PPARGC1A: variants seen among roughly 807,000 people sequenced by gnomAD.
The protein encoded by PPARGC1A is PPARG coactivator 1 alpha.
Under a neutral mutation model 88.7 loss-of-function variants are expected in PPARGC1A, and 25 were observed. The ratio of observed to expected loss-of-function variants is 0.28; its 90% CI spans 0.21 to 0.39. PPARGC1A has a LOEUF of 0.39. Ranked by LOEUF, PPARGC1A falls within the 10% of genes least tolerant of loss-of-function variation. The pLI is 1.00. For synonymous variants in PPARGC1A, 363 were observed against 355.6 expected (o/e 1.02, Z -0.24); for missense variants, 880 against 968.7 (o/e 0.91, Z 1.22).
At chr4:23,869,626 G>A (rs945551292) in intron 2 of PPARGC1A, among the ~76,000 whole-genome samples, 2 of 132,078 alleles carry the variant, frequency 1.5e-5, no homozygotes, top group African/African-American at 2.8e-5. Flanking sequence ...AAAGCTCTAA[G>A]GTTGTTCATT....
chr4:23,897,542 A>G (rs1192023178), intron 1 of PPARGC1A, among the ~76,000 whole-genome samples: 1 of 152,228 alleles, frequency 6.6e-6, no homozygotes, highest in Non-Finnish European at 1.5e-5. Context: ...CTGTCTTGAC[A>G]GAGACAGACA....
chr4:24,059,173 T>C, the PPARGC1A span, among the ~76,000 whole-genome samples: 4 of 152,218 alleles, frequency 2.6e-5, no homozygotes, highest in Non-Finnish European at 1.5e-5. Context: ...GCAAAAACTC[T>C]GAATATCATT....
chr4:23,859,184 AT>A (rs1181105180), intron 2 of PPARGC1A, among the ~76,000 whole-genome samples: 5 of 152,178 alleles, frequency 3.3e-5, no homozygotes, highest in African/African-American at 9.7e-5. Flanking sequence ...TTCAAAAACT[AT>A]TCTTTAGGTT....
At chr4:24,331,841 T>C in the PPARGC1A span, among the ~76,000 whole-genome samples, 61 of 151,986 alleles carry the variant, frequency 4.0e-4, no homozygotes, top group East Asian at 8.7e-3. Flanking sequence ...TAAGTATACA[T>C]GGGCCATGGT....
At chr4:24,140,234 G>T in the PPARGC1A span, among the ~76,000 whole-genome samples, 87 of 152,334 alleles carry the variant, frequency 5.7e-4, 1 homozygote, top group African/African-American at 1.9e-3. Context: ...GGAGGGCCAG[G>T]ACTGGAAATA....
chr4:24,277,354 GCTTA>G, the PPARGC1A span, among the ~76,000 whole-genome samples: 1 of 152,082 alleles, frequency 6.6e-6, no homozygotes, highest in African/African-American at 2.4e-5. Context: ...CCTTCTGGTG[GCTTA>G]CTTTCTCCAA....
At chr4:24,194,885 T>C in the PPARGC1A span, among the ~76,000 whole-genome samples, 3 of 152,164 alleles carry the variant, frequency 2.0e-5, no homozygotes, top group Non-Finnish European at 4.4e-5. Context: ...CAGCATACTT[T>C]CTCCTCTGGA....
At chr4:23,888,317 T>C (rs1475001167) in intron 1 of PPARGC1A, among the ~76,000 whole-genome samples, 1 of 152,252 alleles carries the variant, frequency 6.6e-6, no homozygotes. Flanking sequence ...ATGCTTCTGA[T>C]GTTTATTTGA....
chr4:24,051,004 G>T, the PPARGC1A span, among the ~76,000 whole-genome samples: 2 of 151,844 alleles, frequency 1.3e-5, no homozygotes, highest in Non-Finnish European at 2.9e-5. Flanking sequence ...TGGCTAACAT[G>T]GTGAAACCCC....
At chr4:24,469,768 G>A in the PPARGC1A span, among the ~76,000 whole-genome samples, 3 of 152,124 alleles carry the variant, frequency 2.0e-5, no homozygotes, top group African/African-American at 7.2e-5. Flanking sequence ...TTTACCTGAA[G>A]AAGCCGGTAG....
chr4:24,442,429 G>A, the PPARGC1A span, among the ~76,000 whole-genome samples: 5 of 152,130 alleles, frequency 3.3e-5, no homozygotes, highest in African/African-American at 4.8e-5. Flanking sequence ...GTTTTAATTC[G>A]TAATCTTACA....
chr4:23,906,662 G>C (rs1455065384), upstream of PPARGC1A, among the ~76,000 whole-genome samples: 1 of 150,334 alleles, frequency 6.7e-6, no homozygotes, highest in Non-Finnish European at 1.5e-5. Context: ...GTGTTTCCAT[G>C]AAGTACATAC....
the PPARGC1A span, among the ~76,000 whole-genome samples, chr4:24,009,150 A>AAAAAAAAAAG: frequency 7.8e-3 from 623 of 79,784 alleles, 21 homozygotes; most frequent in African/African-American, 0.032. Flanking sequence ...AAAAAAAAAA[A>AAAAAAAAAAG]AGAGAGAGAA....
chr4:23,795,294 TATA>T lies in PPARGC1A; in HGVS notation c.*525_*527del, dbSNP rs1717326528. ...TTAGTTTTCTTTCCTTTTTAATTTATATATATATATATATATATATATATATAT... is the reference window on the plus strand; with the variant it reads ...TTAGTTTTCTTTCCTTTTTAATTTATTATATATATATATATATATATATAT... On this transcript the variant is annotated 3_prime_UTR_variant, in exon 13 of 13. Coordinates refer to ENST00000264867, the MANE Select transcript of PPARGC1A (RefSeq NM_013261.5). 5.5e-4 allele frequency: 1 copy of T among 1,824 alleles called. No individual in the cohort carries two copies. The highest frequency in any genetic ancestry group is 2.1e-3 in the Non-Finnish European group (1 of 482). 0.1% of individuals were successfully genotyped at this position (1,824 alleles called of 1,614,324 possible).
At chr4:24,258,899 T>G in the PPARGC1A span, among the ~76,000 whole-genome samples, 1 of 152,238 alleles carries the variant, frequency 6.6e-6, no homozygotes, top group Non-Finnish European at 1.5e-5. Flanking sequence ...GAGTTCTTAC[T>G]ATGTGTAAGT....
chr4:23,941,455 G>T, the PPARGC1A span, among the ~76,000 whole-genome samples: 1 of 152,138 alleles, frequency 6.6e-6, no homozygotes, highest in Non-Finnish European at 1.5e-5. Context: ...TGTGATATCT[G>T]TCAGACTCGA....
At chr4:24,127,837 T>C in the PPARGC1A span, among the ~76,000 whole-genome samples, 1 of 151,898 alleles carries the variant, frequency 6.6e-6, no homozygotes, top group African/African-American at 2.4e-5. Context: ...GGTACCATTA[T>C]AGAAAAAAAA....
chr4:24,327,125 C>G, the PPARGC1A span, among the ~76,000 whole-genome samples: 1 of 152,184 alleles, frequency 6.6e-6, no homozygotes, highest in South Asian at 2.1e-4. Context: ...ACTTTTACCA[C>G]TTTCCCTTCT....
At chr4:24,399,509 T>A in the PPARGC1A span, among the ~76,000 whole-genome samples, 1 of 152,180 alleles carries the variant, frequency 6.6e-6, no homozygotes, top group African/African-American at 2.4e-5. Context: ...GGAAAAACCT[T>A]ACACTTCACT....
Sources: gnomAD v4.1 joint callset for allele counts (sites outside exome capture counted in the v4.1 genomes callset) on GRCh38, gnomAD v4.1.1 for gene constraint, MANE v1.5 for transcripts, NCBI Gene and HGNC (gene_info 2026-07-23, HGNC 2026-07-21) for gene names.